RARB: variants seen among roughly 807,000 people sequenced by gnomAD.
The protein encoded by RARB is HBV-activated protein.
RARB carries 17 observed loss-of-function variants against 51.9 expected under a neutral mutation model. That is an observed-to-expected ratio of 0.33 (90% CI 0.22 to 0.49). RARB has a LOEUF of 0.49. RARB is among the 20% of genes least tolerant of loss of function. RARB has a pLI of 0.99. For missense variants in RARB, 369 were observed against 550.8 expected (o/e 0.67, Z 3.30); for synonymous variants, 215 against 195.4 (o/e 1.10, Z -0.84).
chr3:25,073,519 AG>A (rs1406498780), intron 3 of RARB, among the ~76,000 whole-genome samples: 2 of 152,182 alleles, frequency 1.3e-5, no homozygotes, highest in East Asian at 3.9e-4. Flanking sequence ...TCTTTATTGC[AG>A]GGTTTCTCAG....
intron 5 of RARB, among the ~76,000 whole-genome samples, chr3:25,183,746 C>G (rs1291374048): frequency 6.6e-6 from 1 of 152,108 alleles, no homozygotes; most frequent in Non-Finnish European, 1.5e-5. Flanking sequence ...CTTCTAGTGT[C>G]CAGAATTCTT....
chr3:25,354,789 A>G (rs1559369164), intron 5 of RARB, among the ~76,000 whole-genome samples: 2 of 43,034 alleles, frequency 4.6e-5, no homozygotes, highest in Admixed American at 6.5e-4. Flanking sequence ...CTTTGCTGCT[A>G]TTCAATTGTT....
chr3:25,250,478 G>T (rs1680585477), intron 5 of RARB, among the ~76,000 whole-genome samples: 2 of 152,122 alleles, frequency 1.3e-5, no homozygotes, highest in South Asian at 4.2e-4. Flanking sequence ...TGAACACATT[G>T]GTCTCAGTTG....
In RARB at chr3:24,839,314, A is replaced by G. The variant is rs533287061; in HGVS notation, c.-459+9911A>G. Reference sequence around the variant, plus strand: ...TTAACCTTATTTGAGTGCCTAGAATACCACTTTTTCTTGATTTATACTTTT... The same window carrying G: ...TTAACCTTATTTGAGTGCCTAGAATGCCACTTTTTCTTGATTTATACTTTT... On this transcript the variant is annotated intron_variant, in intron 1 of 11. Transcript: ENST00000383772. 8.5e-5 allele frequency among the ~76,000 whole-genome samples: 13 copies of G among 152,118 alleles called. No homozygotes were observed. In the South Asian group the frequency reaches 2.7e-3, roughly 32 times the overall value.
chr3:25,227,727 T>G (rs1173794845), intron 5 of RARB, among the ~76,000 whole-genome samples: 1 of 152,150 alleles, frequency 6.6e-6, no homozygotes, highest in Non-Finnish European at 1.5e-5. Context: ...TATCATTAAG[T>G]CTCTGCTATA....
intron 4 of RARB, among the ~76,000 whole-genome samples, chr3:25,163,060 G>T (rs1389352749): frequency 1.3e-5 from 2 of 152,208 alleles, no homozygotes; most frequent in African/African-American, 4.8e-5. Flanking sequence ...GCATTTCAAT[G>T]TCTGCATATC....
At chr3:25,351,626 A>T (rs898801051) in intron 5 of RARB, among the ~76,000 whole-genome samples, 1 of 152,170 alleles carries the variant, frequency 6.6e-6, no homozygotes, top group Admixed American at 6.6e-5. Flanking sequence ...CCCGGAAGAC[A>T]CTTGGGCGTT....
At chr3:25,409,089 T>C (rs1707491214) in intron 5 of RARB, among the ~76,000 whole-genome samples, 1 of 152,142 alleles carries the variant, frequency 6.6e-6, no homozygotes, top group Admixed American at 6.6e-5. Context: ...AATGCTCAAG[T>C]ATGACAGTGC....
At chr3:24,885,627 T>G (rs989457278) in intron 2 of RARB, among the ~76,000 whole-genome samples, 4 of 152,180 alleles carry the variant, frequency 2.6e-5, no homozygotes, top group Admixed American at 2.6e-4. Flanking sequence ...GGAAGAAATT[T>G]CAGAATCCTA....
intron 3 of RARB, among the ~76,000 whole-genome samples, chr3:25,087,666 G>C (rs1699127365): frequency 6.6e-6 from 1 of 152,080 alleles, no homozygotes; most frequent in African/African-American, 2.4e-5. Flanking sequence ...TAGTAATGGA[G>C]ATTGTTGTTA....
intron 2 of RARB, among the ~76,000 whole-genome samples, chr3:24,883,796 ACT>A (rs1466177174): frequency 3.3e-5 from 5 of 152,106 alleles, no homozygotes; most frequent in East Asian, 1.9e-4. Context: ...TACCTAACAA[ACT>A]CTGATTACTG....
intron 1 of RARB, among the ~76,000 whole-genome samples, chr3:24,833,452 A>G (rs772659144): frequency 6.6e-6 from 1 of 151,944 alleles, no homozygotes; most frequent in African/African-American, 2.4e-5. Context: ...TTTCATTCTC[A>G]TGGTTTTAAG....
chr3:25,120,892 C>T (rs1366306054), intron 3 of RARB, among the ~76,000 whole-genome samples: 1 of 152,136 alleles, frequency 6.6e-6, no homozygotes, highest in Non-Finnish European at 1.5e-5. Flanking sequence ...TGTCTATGGC[C>T]ACTTTCCCAT....
chr3:25,193,331 T>C (rs1430222105), intron 5 of RARB, among the ~76,000 whole-genome samples: 2 of 152,008 alleles, frequency 1.3e-5, no homozygotes, highest in East Asian at 1.9e-4. Context: ...ATCTTAAAGA[T>C]TGTTCCAATG....
intron 5 of RARB, among the ~76,000 whole-genome samples, chr3:25,352,092 T>C (rs1267218006): frequency 6.6e-6 from 1 of 152,180 alleles, no homozygotes; most frequent in Non-Finnish European, 1.5e-5. Flanking sequence ...AATTTGGAGT[T>C]CTGCGTTGAA....
intron 3 of RARB, among the ~76,000 whole-genome samples, chr3:25,097,321 G>A (rs1177097203): frequency 6.6e-6 from 1 of 152,098 alleles, no homozygotes; most frequent in Non-Finnish European, 1.5e-5. Context: ...GTTTAAAATA[G>A]AAATCTACTC....
At chr3:25,035,944 G>A (rs1447844970) in intron 2 of RARB, among the ~76,000 whole-genome samples, 3 of 152,180 alleles carry the variant, frequency 2.0e-5, no homozygotes, top group African/African-American at 7.2e-5. Flanking sequence ...GCCATGGAGG[G>A]CCACAGATGT....
intron 4 of RARB, among the ~76,000 whole-genome samples, chr3:25,147,700 C>T (rs1437038660): frequency 1.3e-5 from 2 of 152,088 alleles, no homozygotes; most frequent in Admixed American, 1.3e-4. Context: ...TAAGGAATAC[C>T]TAGGCATCCT....
intron 4 of RARB, among the ~76,000 whole-genome samples, chr3:25,146,759 T>C (rs1407193359): frequency 1.3e-5 from 2 of 151,932 alleles, no homozygotes; most frequent in Non-Finnish European, 2.9e-5. Flanking sequence ...GACCTCATGA[T>C]CCGCCCACCT....
Sources: gnomAD v4.1 joint callset for allele counts (sites outside exome capture counted in the v4.1 genomes callset) on GRCh38, gnomAD v4.1.1 for gene constraint, MANE v1.5 for transcripts, NCBI Gene and HGNC (gene_info 2026-07-23, HGNC 2026-07-21) for gene names.